The following ANAPC1 variants were observed in gnomAD, a reference collection of about 807,000 sequenced individuals.
The protein encoded by ANAPC1 is anaphase-promoting complex subunit 1.
A neutral mutation model predicts 208.0 loss-of-function variants in ANAPC1; 36 were observed. That is an observed-to-expected ratio of 0.17 (90% CI 0.13 to 0.23). The LOEUF (loss-of-function observed/expected upper bound fraction) is 0.23. Among genes scored for constraint, ANAPC1 ranks in the 10% least tolerant of loss-of-function variants. The pLI, the probability that ANAPC1 is intolerant of heterozygous loss-of-function variation, is 1.00. For missense variants in ANAPC1, 942 were observed against 2,011.6 expected, an observed-to-expected ratio of 0.47 and a Z score of 10.17; for synonymous variants, 378 against 695.2, an observed-to-expected ratio of 0.54 and a Z score of 7.18.
At chr2:111,769,704 C>T (rs1676621012) in intron 47 of ANAPC1, among the ~76,000 whole-genome samples, 3 of 102,386 alleles carry the variant, frequency 2.9e-5, no homozygotes, top group African/African-American at 1.1e-4. Context: ...TTTTTGGAGA[C>T]GAAGTCTCAC....
chr2:111,882,877 C>T (rs1683385437), intron 1 of ANAPC1, among the ~76,000 whole-genome samples: 1 of 151,278 alleles, frequency 6.6e-6, no homozygotes, highest in Admixed American at 6.6e-5. Flanking sequence ...CCTTATAAAA[C>T]TTACAAGGGG....
intron 37 of ANAPC1, among the ~76,000 whole-genome samples, chr2:111,793,245 G>GTT (rs201448538): frequency 3.3e-5 from 5 of 151,788 alleles, no homozygotes; most frequent in Non-Finnish European, 5.9e-5. Context: ...TGTTGTTGTT[G>GTT]TTTTTTTTGG....
chr2:111,819,253 A>G, intron 26 of ANAPC1: 1 of 984,788 alleles, frequency 1.0e-6, no homozygotes, highest in Non-Finnish European at 1.2e-6. Context: ...TCAAAAAAAA[A>G]AAGAAATTTA....
intron 18 of ANAPC1, among the ~76,000 whole-genome samples, chr2:111,837,861 G>A (rs942285564): frequency 1.3e-5 from 2 of 151,888 alleles, no homozygotes; most frequent in African/African-American, 4.8e-5. Context: ...AGGTTAGGAA[G>A]GTCACTTGAC....
At chr2:111,882,575 C>CAA (rs750226960) in intron 1 of ANAPC1, among the ~76,000 whole-genome samples, 7 of 136,790 alleles carry the variant, frequency 5.1e-5, no homozygotes, top group Non-Finnish European at 9.6e-5. Flanking sequence ...ACTAAAAATA[C>CAA]AAAAAAAAAA....
intron 38 of ANAPC1, among the ~76,000 whole-genome samples, chr2:111,791,607 C>G (rs935717291): frequency 2.6e-5 from 4 of 151,952 alleles, no homozygotes; most frequent in African/African-American, 7.3e-5. Flanking sequence ...CTACATACAA[C>G]ATGAATCTTA....
chr2:111,863,573 T>C (rs1682211910), intron 9 of ANAPC1, 102 bp downstream of exon 9: 1 of 935,060 alleles, frequency 1.1e-6, no homozygotes. Context: ...AAAAAACATC[T>C]CCCCTAAATA....
chr2:111,863,465 T>C (rs184522570), intron 9 of ANAPC1, among the ~76,000 whole-genome samples: 1,666 of 147,474 alleles, frequency 0.011, 36 homozygotes, highest in African/African-American at 0.037. Context: ...TGAGTCAAGA[T>C]TGCGCCACTG....
intron 14 of ANAPC1, 38 bp from the exon 15 acceptor site, chr2:111,847,903 T>A: frequency 6.7e-7 from 1 of 1,501,648 alleles, no homozygotes; most frequent in Non-Finnish European, 8.9e-7. Context: ...ATGAATTGTT[T>A]TCTGAGAAAT....
chr2:111,807,791 G>A (rs1364392399), intron 29 of ANAPC1, among the ~76,000 whole-genome samples: 5 of 151,154 alleles, frequency 3.3e-5, no homozygotes, highest in African/African-American at 1.2e-4. Context: ...GTGTGAAAGA[G>A]GTATGCCGCA....
At chr2:111,773,344 C>A (rs1386986984) in intron 46 of ANAPC1, among the ~76,000 whole-genome samples, 1 of 152,242 alleles carries the variant, frequency 6.6e-6, no homozygotes, top group African/African-American at 2.4e-5. Context: ...CATTTGATTA[C>A]CATCCGAAAA....
At chr2:111,862,772 T>C (rs907638645) in intron 9 of ANAPC1, among the ~76,000 whole-genome samples, 174 bp from the exon 10 acceptor site, 2 of 152,132 alleles carry the variant, frequency 1.3e-5, no homozygotes, top group Admixed American at 6.5e-5. Flanking sequence ...TTCATGTCAA[T>C]GTGCTTTACT....
In ANAPC1 at chr2:111,825,122, A is replaced by C; in HGVS notation, c.2741+9T>G. 12 of 1,613,942 alleles carry C rather than the reference A, an allele frequency of 7.4e-6. No homozygotes were observed. The highest frequency in any genetic ancestry group is 1.0e-5 in the Non-Finnish European group (12 of 1,179,862). ...TTTGACATAAAAGCACAGTCTAAAT[A>C]AAAGTCACCTGTTTTCCTCTTGTTC... On this transcript the variant is annotated intron_variant, in intron 23 of 47. Coordinates refer to ENST00000341068, the MANE Select transcript of ANAPC1 (RefSeq NM_022662.4).
intron 39 of ANAPC1, among the ~76,000 whole-genome samples, chr2:111,787,625 T>C (rs1677635782): frequency 6.6e-6 from 1 of 152,296 alleles, no homozygotes; most frequent in South Asian, 2.1e-4. Context: ...AGAGATCTGC[T>C]ATGTCTCAAA....
At chr2:111,791,246 C>T (rs1443066247) in intron 38 of ANAPC1, among the ~76,000 whole-genome samples, 1 of 148,390 alleles carries the variant, frequency 6.7e-6, no homozygotes, top group Non-Finnish European at 1.5e-5. Flanking sequence ...TACTAGTTGG[C>T]TAAAACTAAA....
intron 47 of ANAPC1, among the ~76,000 whole-genome samples, chr2:111,770,838 T>C (rs1241929127): frequency 6.6e-6 from 1 of 150,966 alleles, no homozygotes; most frequent in African/African-American, 2.4e-5. Flanking sequence ...ACATTAGACA[T>C]AGTTATTTTA....
rs116647243 is a variant in ANAPC1 at position 111,855,043 on chromosome 2, C to T, written c.1515+1571G>A. On this transcript the variant is annotated intron_variant, in intron 13 of 47. Transcript: ENST00000341068. ...CTAGTTTTTGATGTAAAGTGAGAAA[C>T]CTGTGATTCTTCCCTTCATTTGAAA... 4.8e-3 allele frequency among the ~76,000 whole-genome samples: 726 copies of T among 152,234 alleles called. 4 individuals carry two copies. Among genetic ancestry groups the T allele is most frequent in the Non-Finnish European group, 7.3e-3 (498 of 68,028 alleles).
chr2:111,830,712 GA>G (rs1428496321), intron 21 of ANAPC1, among the ~76,000 whole-genome samples: 1 of 151,918 alleles, frequency 6.6e-6, no homozygotes, highest in East Asian at 1.9e-4. Context: ...ACATCTCTCA[GA>G]AAGACAAAAA....
intron 34 of ANAPC1, among the ~76,000 whole-genome samples, chr2:111,795,475 A>C (rs1284426538): frequency 6.8e-6 from 1 of 148,104 alleles, no homozygotes; most frequent in Non-Finnish European, 1.5e-5. Flanking sequence ...CAGGGTCATA[A>C]TATTGCATAC....
Sources: gnomAD v4.1 joint callset for allele counts (sites outside exome capture counted in the v4.1 genomes callset) on GRCh38, gnomAD v4.1.1 for gene constraint, MANE v1.5 for transcripts, NCBI Gene and HGNC (gene_info 2026-07-23, HGNC 2026-07-21) for gene names.